Variants in FOXJ1 observed in about 807,000 individuals in gnomAD.
FOXJ1 encodes the protein forkhead box J1, also known as forkhead box protein J1.
Under a neutral mutation model 29.3 loss-of-function variants are expected in FOXJ1, and 8 were observed. The ratio of observed to expected loss-of-function variants is 0.27; its 90% CI spans 0.16 to 0.49. FOXJ1 has a LOEUF of 0.49. FOXJ1 is among the 20% of genes least tolerant of loss of function. The probability of loss-of-function intolerance (pLI) is 0.98; values close to 1 mark genes in which losing one functional copy is unlikely to be tolerated. For synonymous variants in FOXJ1, 280 were observed against 278.7 expected (o/e 1.00, Z -0.05); for missense variants, 539 against 595.5 (o/e 0.91, Z 0.99).
Position 76,140,866 on chromosome 17 carries a change from A to G in FOXJ1, c.-170+248T>C, listed in dbSNP as rs569185184. Among the ~76,000 whole-genome samples, 21 of 149,784 alleles carry G rather than the reference A, an allele frequency of 1.4e-4. No homozygotes were observed. In the East Asian group the frequency reaches 3.9e-3, roughly 28 times the overall value. ...CGCAACAAATGGAAGTGGGGCGAGA[A>G]GTTTGGGAGGGCGGTACGACGGGGC... On this transcript the variant is annotated intron_variant, in intron 1 of 2. Transcript: ENST00000322957. The surrounding 1 kb of genome is among the most constrained non-coding windows in gnomAD (Gnocchi z 8.0).
At chr17:76,138,749 C>T (rs2068496809) in intron 2 of FOXJ1, among the ~76,000 whole-genome samples, 1 of 152,182 alleles carries the variant, frequency 6.6e-6, no homozygotes, top group African/African-American at 2.4e-5. Flanking sequence ...TTCCTGGGGC[C>T]CGTTTCTCGA....
chr17:76,139,414 A>C lies in FOXJ1; in HGVS notation c.498+484T>G, dbSNP rs944301897. On this transcript the variant is annotated intron_variant, in intron 2 of 2. Coordinates refer to ENST00000322957, the MANE Select transcript of FOXJ1 (RefSeq NM_001454.4). The surrounding 1 kb of genome is among the most constrained non-coding windows in gnomAD (Gnocchi z 6.6). ...GCACCCCTTCCATTCCACCCTCCCC[A>C]AGCCAACTGCAAAAGGGCAGGACGT... Among the ~76,000 whole-genome samples, 1 of 152,164 alleles carries C rather than the reference A, an allele frequency of 6.6e-6. No individual in the cohort carries two copies. Among genetic ancestry groups the C allele is most frequent in the Non-Finnish European group, 1.5e-5 (1 of 68,024 alleles).
Position 76,140,117 on chromosome 17 carries a change from C to G in FOXJ1, c.279G>C (p.Ser93=). 3.1e-6 allele frequency: 5 copies of G among 1,590,900 alleles called. No homozygotes were observed. Among genetic ancestry groups the G allele is most frequent in the Non-Finnish European group, 4.3e-6 (5 of 1,174,974 alleles). The change falls in exon 2 of 3, where the codon TCG becomes TCC. Residue 93 remains serine (S), a synonymous_variant. Transcript: ENST00000322957. This position sits in a 1 kb window ranked among gnomAD's most constrained non-coding sequence, Gnocchi z 8.0. Reference sequence around the variant, plus strand: ...GGGGCGCGCTCCGCGACGTGCACGACGACGTGGGCTTGCCCGGCGTGTGTG... The same window carrying G: ...GGGGCGCGCTCCGCGACGTGCACGAGGACGTGGGCTTGCCCGGCGTGTGTG... ...GQPHTPGKPT[S]SCTSRSAPPG... is the part of the protein sequence containing the mutation.
rs763058415 is a variant in FOXJ1, at chr17:76,139,878, G to C, written c.498+20C>G. On this transcript the variant is annotated intron_variant, in intron 2 of 2. Transcript: ENST00000322957. This position sits in a 1 kb window ranked among gnomAD's most constrained non-coding sequence, Gnocchi z 6.6. The stretch of plus-strand genomic sequence containing the variant: ...AGGAGGGAATGGGGAGGGAGCGGCC[G>C]CCGCCCGTGCCTCCTCTACCTGCCA... 1.9e-6 allele frequency: 3 copies of C among 1,566,244 alleles called. No homozygotes were observed. The highest frequency in any genetic ancestry group is 2.6e-6 in the Non-Finnish European group (3 of 1,156,650).
At position 76,140,330 on chromosome 17, in the gene FOXJ1, G is replaced by A; in HGVS notation, c.66C>T (p.Gly22=). Residue 22 remains glycine, a synonymous_variant, in exon 2 of 3, where the codon GGC becomes GGT. Coordinates refer to ENST00000322957, the MANE Select transcript of FOXJ1 (RefSeq NM_001454.4). The surrounding 1 kb of genome is among the most constrained non-coding windows in gnomAD (Gnocchi z 8.0). The part of the protein sequence containing the change: ...GPAEEAGPEG[G]LEEPDALDDS... ...CATCCAGGGCGTCGGGCTCCTCCAGGCCGCCCTCCGGCCCGGCCTCCTCCG... is the reference window on the plus strand; with the variant it reads ...CATCCAGGGCGTCGGGCTCCTCCAGACCGCCCTCCGGCCCGGCCTCCTCCG... 1 of 1,497,530 alleles carries A rather than the reference G, an allele frequency of 6.7e-7. No individual in the cohort carries two copies. The highest frequency in any genetic ancestry group is 8.8e-7 in the Non-Finnish European group (1 of 1,131,296). The allele number at this position is 1,497,530 out of a possible 1,614,324, so 92.8% of individuals were successfully genotyped here. A position where few individuals can be genotyped will look rare whatever the true frequency, so the allele number is the denominator to read the frequency against.
chr17:76,137,704 G>A lies in FOXJ1; in HGVS notation c.915C>T (p.Leu305=). Reference sequence around the variant, plus strand: ...TGGCCTCCCAGTCAAAGTTGCCTTTGAGGGGTTCCAGCTCACCCTGCTCCT... The same window carrying A: ...TGGCCTCCCAGTCAAAGTTGCCTTTAAGGGGTTCCAGCTCACCCTGCTCCT... ...TPEEQGELEP[L]KGNFDWEAIF... Residue 305 remains leucine (L), a synonymous_variant, in exon 3 of 3, where the codon CTC becomes CTT. Transcript: ENST00000322957. This position sits in a 1 kb window ranked among gnomAD's most constrained non-coding sequence, Gnocchi z 9.5. The A allele has an allele frequency of 6.2e-7, 1 of 1,612,544 alleles. No homozygotes were observed. The highest frequency in any genetic ancestry group is 1.1e-5 in the South Asian group (1 of 91,024).
In FOXJ1 at chr17:76,138,131, GGA is replaced by G; in HGVS notation, c.499-13_499-12del. 6.2e-7 allele frequency: 1 copy of G among 1,613,308 alleles called. No homozygotes were observed. The highest frequency in any genetic ancestry group is 8.5e-7 in the Non-Finnish European group (1 of 1,179,860). ...GTGGCGGATTGAATTCTGGGTGCAGGGAGAGAGCAAGAGAGAGAGGAACCGCT... is the reference window on the plus strand; with the variant it reads ...GTGGCGGATTGAATTCTGGGTGCAGGGAGAGCAAGAGAGAGAGGAACCGCT... On this transcript the variant is annotated splice_polypyrimidine_tract_variant and intron_variant, in intron 2 of 2. Coordinates refer to ENST00000322957, the MANE Select transcript of FOXJ1 (RefSeq NM_001454.4).
chr17:76,137,337 G>C lies in FOXJ1; in HGVS notation c.*16C>G, dbSNP rs1332756768. ...TGACTTGGGCACTGTCCAGAGGTGGGGCAGGGCCTGGCCTCTTACAAGAAG... is the reference window on the plus strand; with the variant it reads ...TGACTTGGGCACTGTCCAGAGGTGGCGCAGGGCCTGGCCTCTTACAAGAAG... On this transcript the variant is annotated 3_prime_UTR_variant, in exon 3 of 3. Coordinates refer to ENST00000322957, the MANE Select transcript of FOXJ1 (RefSeq NM_001454.4). This position sits in a 1 kb window ranked among gnomAD's most constrained non-coding sequence, Gnocchi z 9.5. The C allele has an allele frequency of 1.4e-6, 2 of 1,469,550 alleles. No homozygotes were observed. The highest frequency in any genetic ancestry group is 2.8e-5 in the African/African-American group (2 of 71,308). 91.0% of individuals were successfully genotyped at this position (1,469,550 alleles called of 1,614,324 possible). A position where few individuals can be genotyped will look rare whatever the true frequency, so the allele number is the denominator to read the frequency against.
In FOXJ1 at chr17:76,136,438, C is replaced by G. The variant is rs2068480033; in HGVS notation, c.*915G>C. ...GCAGGAGGGTGGATGTGGGACGCAG[C>G]CCAGGGAGTCCGGGTGGAGCAAGGC... On this transcript the variant is annotated 3_prime_UTR_variant, in exon 3 of 3. Coordinates refer to ENST00000322957, the MANE Select transcript of FOXJ1 (RefSeq NM_001454.4). The surrounding 1 kb of genome is among the most constrained non-coding windows in gnomAD (Gnocchi z 4.9). 1 of 152,110 alleles carries G rather than the reference C, an allele frequency of 6.6e-6. No individual in the cohort carries two copies. Among genetic ancestry groups the G allele is most frequent in the African/African-American group, 2.4e-5 (1 of 41,400 alleles). The allele number at this position is 152,110 out of a possible 1,614,324, so 9.4% of individuals were successfully genotyped here.
chr17:76,138,231 G>A, intron 2 of FOXJ1, 111 bp from the exon 3 acceptor site: 2 of 1,209,906 alleles, frequency 1.7e-6, no homozygotes, highest in Non-Finnish European at 2.3e-6. Context: ...TCTGGCAGGG[G>A]AGAGGAGGGG....
At position 76,140,714 on chromosome 17, in the gene FOXJ1, A is replaced by T. The variant is rs2068511767; in HGVS notation, c.-169-150T>A. 1 of 326,300 alleles carries T rather than the reference A, an allele frequency of 3.1e-6. No individual in the cohort carries two copies. Among genetic ancestry groups the T allele is most frequent in the African/African-American group, 2.2e-5 (1 of 46,404 alleles). 20.2% of individuals were successfully genotyped at this position (326,300 alleles called of 1,614,324 possible). A position where few individuals can be genotyped will look rare whatever the true frequency, so the allele number is the denominator to read the frequency against. ...AACAGAAGCAAGGCCCTGGGGTCCCACCCCCATCAGATCTGCCTCCCTCTT... is the reference window on the plus strand; with the variant it reads ...AACAGAAGCAAGGCCCTGGGGTCCCTCCCCCATCAGATCTGCCTCCCTCTT... On this transcript the variant is annotated intron_variant, in intron 1 of 2. Transcript: ENST00000322957. The surrounding 1 kb of genome is among the most constrained non-coding windows in gnomAD (Gnocchi z 8.0).
In FOXJ1 at chr17:76,137,839, C is replaced by T. The variant is rs1163898005; in HGVS notation, c.780G>A (p.Glu260=). ...LLREFEEATG[E]AGWGAGEGRL... is the part of the protein sequence containing the mutation. ...TGCCCTCGCCTGCACCCCAGCCCGC[C>T]TCCCCGGTGGCCTCCTCGAACTCCC... is the stretch of plus-strand genomic sequence containing the variant. The change falls in exon 3 of 3, where the codon GAG becomes GAA. Residue 260 remains glutamate, a synonymous_variant. Coordinates refer to ENST00000322957, the MANE Select transcript of FOXJ1 (RefSeq NM_001454.4). The surrounding 1 kb of genome is among the most constrained non-coding windows in gnomAD (Gnocchi z 9.5). 2 of 1,593,690 alleles carry T rather than the reference C, an allele frequency of 1.3e-6. No individual in the cohort carries two copies. Among genetic ancestry groups the T allele is most frequent in the African/African-American group, 2.7e-5 (2 of 74,522 alleles).
chr17:76,140,627 G>T lies in FOXJ1; in HGVS notation c.-169-63C>A. On this transcript the variant is annotated intron_variant, in intron 1 of 2. Transcript: ENST00000322957. This position sits in a 1 kb window ranked among gnomAD's most constrained non-coding sequence, Gnocchi z 8.0. ...CCCCGAGGGGACAGTGTGTGTACGG[G>T]GACGCCCTCTCTAACATCATCCCCG... 2.1e-6 allele frequency: 1 copy of T among 478,210 alleles called. No homozygotes were observed. Among genetic ancestry groups the T allele is most frequent in the Non-Finnish European group, 3.7e-6 (1 of 273,918 alleles). 29.6% of individuals were successfully genotyped at this position (478,210 alleles called of 1,614,324 possible). A position where few individuals can be genotyped will look rare whatever the true frequency, so the allele number is the denominator to read the frequency against.
chr17:76,137,370 C>T lies in FOXJ1; in HGVS notation c.1249G>A (p.Val417Met), dbSNP rs762377959. The T allele has an allele frequency of 5.6e-5, 84 of 1,501,778 alleles. No homozygotes were observed. Among genetic ancestry groups the T allele is most frequent in the African/African-American group, 5.4e-4 (39 of 72,404 alleles). The allele number at this position is 1,501,778 out of a possible 1,614,324, so 93.0% of individuals were successfully genotyped here. A position where few individuals can be genotyped will look rare whatever the true frequency, so the allele number is the denominator to read the frequency against. Reference sequence around the variant, plus strand: ...CTGGCCTCTTACAAGAAGGCCCCCACGCTGGCCCAGTCCTGCAGGTCGGAG... The same window carrying T: ...CTGGCCTCTTACAAGAAGGCCCCCATGCTGGCCCAGTCCTGCAGGTCGGAG... ...LASDLQDWAS[V>M]GAFL is the part of the protein sequence containing the mutation. Residue 417 changes from valine to methionine, a missense_variant, in exon 3 of 3, where the codon GTG becomes ATG. Physicochemically the swap from Val to Met is conservative, Grantham distance 21. Around this residue, in one of 3 missense-constraint regions of FOXJ1, gnomAD observed 302 missense variants for 293.6 expected, o/e 1.03. Coordinates refer to ENST00000322957, the MANE Select transcript of FOXJ1 (RefSeq NM_001454.4). This position sits in a 1 kb window ranked among gnomAD's most constrained non-coding sequence, Gnocchi z 9.5.
Position 76,139,977 on chromosome 17 carries a change from G to A in FOXJ1, c.419C>T (p.Thr140Ile), listed in dbSNP as rs748812424. 2 of 1,613,822 alleles carry A rather than the reference G, an allele frequency of 1.2e-6. No individual in the cohort carries two copies. The highest frequency in any genetic ancestry group is 1.7e-6 in the Non-Finnish European group (2 of 1,179,920). ...ICMAMQASKA[T>I]KITLSAIYKW... is the part of the protein sequence containing the mutation. ...GTAGATGGCCGACAGGGTGATCTTG[G>A]TGGCCTTGCTGGCCTGCATGGCCAT... Residue 140 changes from threonine to isoleucine, a missense_variant, in exon 2 of 3, where the codon ACC becomes ATC. Thr to Ile is a moderately conservative substitution (Grantham distance 89). This residue lies in a region of FOXJ1 where 178 missense variants were observed against 254.4 expected (regional missense o/e 0.70). Coordinates refer to ENST00000322957, the MANE Select transcript of FOXJ1 (RefSeq NM_001454.4). This position sits in a 1 kb window ranked among gnomAD's most constrained non-coding sequence, Gnocchi z 6.6.
At chr17:76,138,239 G>GT (rs200181331) in intron 2 of FOXJ1, 119 bp from the exon 3 acceptor site, 7 of 1,117,060 alleles carry the variant, frequency 6.3e-6, no homozygotes, top group African/African-American at 1.6e-5. Context: ...GGGAGAGGAG[G>GT]GGGGGACAGA....
At position 76,138,061 on chromosome 17, in the gene FOXJ1, C is replaced by T. The variant is rs2144762440; in HGVS notation, c.558G>A (p.Lys186=). 1 of 1,613,980 alleles carries T rather than the reference C, an allele frequency of 6.2e-7. No homozygotes were observed. Among genetic ancestry groups the T allele is most frequent in the African/African-American group, 1.3e-5 (1 of 75,066 alleles). Residue 186 remains lysine, a synonymous_variant, in exon 3 of 3, where the codon AAG becomes AAA. Transcript: ENST00000322957. ...AGAAGCCCCCCTTGCCTGGTTCGTC[C>T]TTCTCCCGAGGCACTTTGATGAAGC... is the stretch of plus-strand genomic sequence containing the variant. ...NKCFIKVPRE[K]DEPGKGGFWR...
At position 76,137,271 on chromosome 17, in the gene FOXJ1, G is replaced by A; in HGVS notation, c.*82C>T. On this transcript the variant is annotated 3_prime_UTR_variant, in exon 3 of 3. Transcript: ENST00000322957. The surrounding 1 kb of genome is among the most constrained non-coding windows in gnomAD (Gnocchi z 9.5). ...CTGGCCCAGCCCCTGCCTAGGTGGT[G>A]GGGTGTCTGTGGACCTGTGTTGGGG... The A allele has an allele frequency of 8.1e-7, 1 of 1,231,826 alleles. No individual in the cohort carries two copies. The highest frequency in any genetic ancestry group is 1.1e-6 in the Non-Finnish European group (1 of 940,004). 76.3% of individuals were successfully genotyped at this position (1,231,826 alleles called of 1,614,324 possible).
rs1296118373 is a variant in FOXJ1, at chr17:76,139,864, G to C, written c.498+34C>G. 6.6e-5 allele frequency: 103 copies of C among 1,559,906 alleles called. No homozygotes were observed. The highest frequency in any genetic ancestry group is 8.9e-5 in the Non-Finnish European group (103 of 1,152,550). On this transcript the variant is annotated intron_variant, in intron 2 of 2. Transcript: ENST00000322957. The surrounding 1 kb of genome is among the most constrained non-coding windows in gnomAD (Gnocchi z 6.6). The stretch of plus-strand genomic sequence containing the variant: ...CAGCGTGGGGAGCGAGGAGGGAATG[G>C]GGAGGGAGCGGCCGCCGCCCGTGCC...
Sources: allele counts gnomAD v4.1 joint callset (sites outside exome capture counted in the v4.1 genomes callset), GRCh38; gene constraint gnomAD v4.1.1; regional missense constraint gnomAD v4.1.1; non-coding constraint Gnocchi (gnomAD v3.1); transcripts MANE v1.5; gene names NCBI Gene and HGNC (gene_info 2026-07-23, HGNC 2026-07-21).